Variants in CCSER2 observed in about 807,000 individuals in gnomAD.
The protein encoded by CCSER2 is serine-rich coiled-coil domain-containing protein 2.
In CCSER2, 46 loss-of-function variants were observed where a neutral mutation model predicts 92.3. The ratio of observed to expected loss-of-function variants is 0.50; its 90% CI spans 0.39 to 0.64. The LOEUF is 0.64. Ranked by LOEUF, CCSER2 falls within the 30% of genes least tolerant of loss-of-function variation. CCSER2 has a pLI of 0.00. For missense variants in CCSER2, 1,244 were observed against 1,238.9 expected (o/e 1.00, Z -0.06); for synonymous variants, 433 against 431.4 (o/e 1.00, Z -0.04).
chr10:84,452,747 G>A (rs1408691310), intron 6 of CCSER2, among the ~76,000 whole-genome samples: 2 of 152,152 alleles, frequency 1.3e-5, no homozygotes, highest in Non-Finnish European at 2.9e-5. Flanking sequence ...TATGTATAAT[G>A]TGAAACATGA....
intron 3 of CCSER2, 178 bp downstream of exon 3, chr10:84,373,993 A>G: frequency 7.5e-7 from 1 of 1,326,996 alleles, no homozygotes. Flanking sequence ...AAGCATGGAG[A>G]ATATATGACA....
intron 3 of CCSER2, among the ~76,000 whole-genome samples, chr10:84,406,728 G>A (rs1405119958): frequency 6.6e-6 from 1 of 152,294 alleles, no homozygotes; most frequent in African/African-American, 2.4e-5. Flanking sequence ...CCCAATAAGT[G>A]CAGGACTGCC....
intron 9 of CCSER2, among the ~76,000 whole-genome samples, chr10:84,491,854 A>G (rs1192568299): frequency 1.3e-5 from 2 of 152,092 alleles, no homozygotes; most frequent in Non-Finnish European, 2.9e-5. Flanking sequence ...TGTAGACTGG[A>G]GCTGTTCCTA....
Position 84,328,615 on chromosome 10 carries a change from G to A in CCSER2, c.-233G>A, listed in dbSNP as rs982669898. ...GAGTCCGGGCGGGCGCCGGCCGAGG[G>A]AGGGGGCGCGGCGGCTTTGGAGTCC... is the stretch of plus-strand genomic sequence containing the variant. On this transcript the variant is annotated 5_prime_UTR_variant, in exon 1 of 10. Transcript: ENST00000372088. 6.6e-6 allele frequency: 1 copy of A among 150,500 alleles called. No homozygotes were observed. Among genetic ancestry groups the A allele is most frequent in the Non-Finnish European group, 1.5e-5 (1 of 67,530 alleles). The allele number at this position is 150,500 out of a possible 1,614,324, so 9.3% of individuals were successfully genotyped here. A position where few individuals can be genotyped will look rare whatever the true frequency, so the allele number is the denominator to read the frequency against.
At chr10:84,346,934 C>A (rs975920389) in intron 1 of CCSER2, among the ~76,000 whole-genome samples, 1 of 151,910 alleles carries the variant, frequency 6.6e-6, no homozygotes, top group Admixed American at 6.6e-5. Flanking sequence ...TGTGGCCTTC[C>A]GCAGTGTTTG....
intron 1 of CCSER2, among the ~76,000 whole-genome samples, chr10:84,337,957 A>C (rs1433590855): frequency 6.6e-6 from 1 of 152,178 alleles, no homozygotes; most frequent in Non-Finnish European, 1.5e-5. Context: ...GACACATTTA[A>C]CTTTTTATCT....
intron 1 of CCSER2, among the ~76,000 whole-genome samples, chr10:84,363,011 T>C (rs968546147): frequency 4.6e-5 from 7 of 150,744 alleles, no homozygotes; most frequent in Admixed American, 4.0e-4. Flanking sequence ...TAATTTTTTT[T>C]TTTTTTTGTA....
chr10:84,478,295 A>T (rs1847271671), intron 9 of CCSER2, among the ~76,000 whole-genome samples: 1 of 152,216 alleles, frequency 6.6e-6, no homozygotes, highest in South Asian at 2.1e-4. Context: ...AACTTAGTGC[A>T]GGATGTGTGT....
intron 4 of CCSER2, among the ~76,000 whole-genome samples, chr10:84,422,039 G>A (rs1843178151): frequency 6.6e-6 from 1 of 152,214 alleles, no homozygotes; most frequent in South Asian, 2.1e-4. Context: ...AAAAGAGAGT[G>A]AGTGACCTTT....
intron 6 of CCSER2, among the ~76,000 whole-genome samples, chr10:84,438,911 G>A (rs1322659732): frequency 6.6e-6 from 1 of 152,086 alleles, no homozygotes; most frequent in Non-Finnish European, 1.5e-5. Flanking sequence ...ACAGTCCCTG[G>A]TATTTATGAG....
chr10:84,424,445 C>T (rs189720793), intron 4 of CCSER2, among the ~76,000 whole-genome samples: 2 of 152,234 alleles, frequency 1.3e-5, no homozygotes, highest in Non-Finnish European at 1.5e-5. Flanking sequence ...AACAAAATTT[C>T]AGTGTCCTTT....
At chr10:84,386,700 C>T (rs774613843) in intron 3 of CCSER2, among the ~76,000 whole-genome samples, 2 of 152,194 alleles carry the variant, frequency 1.3e-5, no homozygotes, top group Non-Finnish European at 2.9e-5. Context: ...CACTGCACTC[C>T]AGCCTGGGCA....
At chr10:84,501,716 CTTT>C (rs1197428780) in intron 9 of CCSER2, among the ~76,000 whole-genome samples, 1 of 120,648 alleles carries the variant, frequency 8.3e-6, no homozygotes, top group African/African-American at 3.0e-5. Context: ...GTAAGACCTG[CTTT>C]TTTTTTTTTT....
chr10:84,394,401 G>GTGTGTGTGTA (rs1337703533), intron 3 of CCSER2, among the ~76,000 whole-genome samples: 14 of 151,364 alleles, frequency 9.2e-5, no homozygotes, highest in African/African-American at 3.4e-4. Context: ...GTGTGTGTGT[G>GTGTGTGTGTA]TGTGTGTGTG....
At position 84,516,581 on chromosome 10, in the gene CCSER2, C is replaced by T. The variant is rs1025764366; in HGVS notation, c.*2314C>T. The T allele has an allele frequency of 7.2e-5, 11 of 152,088 alleles. No individual in the cohort carries two copies. Among genetic ancestry groups the T allele is most frequent in the Admixed American group, 2.6e-4 (4 of 15,266 alleles). 9.4% of individuals were successfully genotyped at this position (152,088 alleles called of 1,614,324 possible). A position where few individuals can be genotyped will look rare whatever the true frequency, so the allele number is the denominator to read the frequency against. ...TTAGACCCTTATGAAACATTATTTACGAGTTGGCCTTATCCTTAAGGGAAA... is the reference window on the plus strand; with the variant it reads ...TTAGACCCTTATGAAACATTATTTATGAGTTGGCCTTATCCTTAAGGGAAA... On this transcript the variant is annotated 3_prime_UTR_variant, in exon 10 of 10. Coordinates refer to ENST00000372088, the MANE Select transcript of CCSER2 (RefSeq NM_001284240.2).
chr10:84,454,835 C>CT (rs1845507758), intron 6 of CCSER2: 2 of 154,546 alleles, frequency 1.3e-5, no homozygotes. Context: ...GAGGGTTTCT[C>CT]TTTTTCTTTG....
rs192482519 is a variant in CCSER2 at position 84,485,867 on chromosome 10, A to G, written c.2325+8203A>G. 2.2e-3 allele frequency among the ~76,000 whole-genome samples: 341 copies of G among 152,250 alleles called. 2 individuals are homozygous for G. Among genetic ancestry groups the G allele is most frequent in the Non-Finnish European group, 3.7e-3 (255 of 68,016 alleles). ...TATTAACTCGTCATTTACATTAGGTATATCTCCTAATGCTCTCCCTACCAC... is the reference window on the plus strand; with the variant it reads ...TATTAACTCGTCATTTACATTAGGTGTATCTCCTAATGCTCTCCCTACCAC... On this transcript the variant is annotated intron_variant, in intron 9 of 9. Transcript: ENST00000372088.
chr10:84,457,633 A>T (rs1446584344), intron 6 of CCSER2, among the ~76,000 whole-genome samples: 5 of 89,718 alleles, frequency 5.6e-5, no homozygotes, highest in Admixed American at 3.9e-4. Flanking sequence ...TTTATATATT[A>T]TATATAATTA....
chr10:84,496,860 T>C (rs1276051840), intron 9 of CCSER2, among the ~76,000 whole-genome samples: 2 of 152,202 alleles, frequency 1.3e-5, no homozygotes, highest in African/African-American at 4.8e-5. Flanking sequence ...ACTTTTTCTC[T>C]CTACCTTTCA....
Sources: gnomAD v4.1 joint callset for allele counts (sites outside exome capture counted in the v4.1 genomes callset) on GRCh38, gnomAD v4.1.1 for gene constraint, MANE v1.5 for transcripts, NCBI Gene and HGNC (gene_info 2026-07-23, HGNC 2026-07-21) for gene names.